Variants in GPR137 observed in about 807,000 individuals in gnomAD.
GPR137 encodes the protein integral membrane protein GPR137.
In GPR137, 20 loss-of-function variants were observed where a neutral mutation model predicts 38.9. The ratio of observed to expected loss-of-function variants is 0.51; its 90% confidence interval spans 0.36 to 0.75. GPR137 has a LOEUF of 0.75. Among genes scored for constraint, GPR137 ranks in the 30% least tolerant of loss-of-function variants. The probability of loss-of-function intolerance (pLI) is 0.00; values close to 1 mark genes in which losing one functional copy is unlikely to be tolerated. For synonymous variants in GPR137, 226 were observed against 235.8 expected, an observed-to-expected ratio of 0.96 and a Z score of 0.38; for missense variants, 456 against 526.4, an observed-to-expected ratio of 0.87 and a Z score of 1.31.
rs942681127 is a variant in GPR137, at chr11:64,276,615, C to T, written c.-16+194C>T. 4.6e-5 allele frequency: 14 copies of T among 304,454 alleles called. No homozygotes were observed. The East Asian group carries it at 7.1e-4, about 16-fold the overall frequency. 18.9% of individuals were successfully genotyped at this position (304,454 alleles called of 1,614,324 possible). ...GTGCTGGGATTACAGGCGTGAGCCA[C>T]GGTGCCCAGCCCTAAATTGAATTTT... is the stretch of plus-strand genomic sequence containing the variant. On this transcript the variant is annotated intron_variant, in intron 2 of 2. Transcript: ENST00000538244.
chr11:64,275,309 C>T (rs1565347260), upstream of GPR137, among the ~76,000 whole-genome samples: 2 of 152,288 alleles, frequency 1.3e-5, no homozygotes, highest in Admixed American at 6.5e-5. Flanking sequence ...GGGGCACTGA[C>T]GGAACAGGCC....
Position 64,288,921 on chromosome 11 carries a change from T to C in GPR137, c.1032-116T>C. 1 of 1,443,224 alleles carries C rather than the reference T, an allele frequency of 6.9e-7. No homozygotes were observed. The highest frequency in any genetic ancestry group is 9.1e-7 in the Non-Finnish European group (1 of 1,103,672). 89.4% of individuals were successfully genotyped at this position (1,443,224 alleles called of 1,614,324 possible). A position where few individuals can be genotyped will look rare whatever the true frequency, so the allele number is the denominator to read the frequency against. ...TCTTGCCTAGAGATGTACTTTGTCC[T>C]GGGCCCCGAAGGTCTAGGTCACAGG... On this transcript the variant is annotated intron_variant, in intron 6 of 6. Coordinates refer to ENST00000438980, the MANE Select transcript of GPR137 (RefSeq NM_001170880.2). This position sits in a 1 kb window ranked among gnomAD's most constrained non-coding sequence, Gnocchi z 5.5.
At chr11:64,278,260 C>T (rs974832202) in intron 2 of GPR137, among the ~76,000 whole-genome samples, 3 of 151,800 alleles carry the variant, frequency 2.0e-5, no homozygotes, top group Non-Finnish European at 4.4e-5. Context: ...CAAGAATGTA[C>T]ATAAAGGCAA....
chr11:64,273,335 T>C (rs975185896), upstream of GPR137, among the ~76,000 whole-genome samples: 2 of 152,156 alleles, frequency 1.3e-5, no homozygotes, highest in Admixed American at 6.6e-5. Flanking sequence ...ATTGTGCCAC[T>C]GCACTCCAGC....
chr11:64,284,305 G>C, upstream of GPR137: 2 of 1,612,364 alleles, frequency 1.2e-6, no homozygotes, highest in Non-Finnish European at 1.7e-6. Flanking sequence ...CTGGGGCCCA[G>C]GCCCCTCTCT....
Position 64,287,837 on chromosome 11 carries a change from G to A in GPR137, c.524G>A (p.Arg175His), listed in dbSNP as rs376609480. ...CAGCCCTGGGCCCTGCTGCTTGTCCGCGTCCTGGTGAGCGACTCCCTGTTC... is the reference window on the plus strand; with the variant it reads ...CAGCCCTGGGCCCTGCTGCTTGTCCACGTCCTGGTGAGCGACTCCCTGTTC... Reference protein sequence around the residue: ...RAQPWALLLVRVLVSDSLFVI... With the variant: ...RAQPWALLLVHVLVSDSLFVI... The change falls in exon 3 of 7, where the codon CGC becomes CAC. Residue 175 changes from arginine (R) to histidine (H), a missense_variant. By Grantham distance (29) the Arg-to-His change is conservative. Transcript: ENST00000438980. The A allele has an allele frequency of 1.4e-5, 23 of 1,605,916 alleles. No individual in the cohort carries two copies. Among genetic ancestry groups the A allele is most frequent in the Non-Finnish European group, 1.9e-5 (23 of 1,179,882 alleles).
At position 64,286,887 on chromosome 11, in the gene GPR137, C is replaced by T; in HGVS notation, c.357+6C>T. 1 of 1,607,850 alleles carries T rather than the reference C, an allele frequency of 6.2e-7. No homozygotes were observed. Among genetic ancestry groups the T allele is most frequent in the Non-Finnish European group, 8.5e-7 (1 of 1,175,952 alleles). The stretch of plus-strand genomic sequence containing the variant: ...TGAACCTCTACTTTGCCCAGGTAAC[C>T]AACTGTGGTCCCGGGTGGGGGGCGG... On this transcript the variant is annotated splice_donor_region_variant and intron_variant, in intron 1 of 6. Transcript: ENST00000438980.
chr11:64,285,009 G>T, upstream of GPR137: 1 of 1,252,254 alleles, frequency 8.0e-7, no homozygotes, highest in South Asian at 1.8e-5. Context: ...GTGAAGTGGG[G>T]ATAGTGACAG....
upstream of GPR137, chr11:64,285,537 CCGGCCGGG>C: frequency 1.0e-6 from 1 of 984,986 alleles, no homozygotes; most frequent in Non-Finnish European, 1.2e-6. Flanking sequence ...GTTGCCGCCC[CCGGCCGGG>C]CGGCACGACC....
Position 64,289,034 on chromosome 11 carries a change from C to T in GPR137, c.1032-3C>T, listed in dbSNP as rs765737657. ...TGAGACTGACCCTGTTTCTCTGCTG[C>T]AGTATGTCGGGCAGTCTAGGCTCTG... On this transcript the variant is annotated splice_polypyrimidine_tract_variant and splice_region_variant and intron_variant, in intron 6 of 6. Transcript: ENST00000438980. 3.2e-6 allele frequency: 5 copies of T among 1,553,548 alleles called. No homozygotes were observed. The African/African-American group carries it at 6.8e-5, about 21-fold the overall frequency.
chr11:64,276,680 T>C (rs1181278208), intron 2 of GPR137: 5 of 517,546 alleles, frequency 9.7e-6, no homozygotes, highest in African/African-American at 5.9e-5. Context: ...CCTGGGGGAG[T>C]GTCTGTGAAT....
At position 64,288,002 on chromosome 11, in the gene GPR137, C is replaced by G. The variant is rs544703882; in HGVS notation, c.633+56C>G. On this transcript the variant is annotated intron_variant, in intron 3 of 6. Coordinates refer to ENST00000438980, the MANE Select transcript of GPR137 (RefSeq NM_001170880.2). The surrounding 1 kb of genome is among the most constrained non-coding windows in gnomAD (Gnocchi z 5.5). Reference sequence around the variant, plus strand: ...TTTTGGGTCTCTCGGCAGCGGTTCTCAGGGTGTAGAGGAAGCTGGGAGCCT... The same window carrying G: ...TTTTGGGTCTCTCGGCAGCGGTTCTGAGGGTGTAGAGGAAGCTGGGAGCCT... The G allele has an allele frequency of 6.2e-7, 1 of 1,602,956 alleles. No homozygotes were observed. Among genetic ancestry groups the G allele is most frequent in the East Asian group, 2.2e-5 (1 of 44,876 alleles).
chr11:64,282,576 A>T (rs1402189588), upstream of GPR137, among the ~76,000 whole-genome samples: 1 of 151,132 alleles, frequency 6.6e-6, no homozygotes, highest in Non-Finnish European at 1.5e-5. Flanking sequence ...CCCTGCCCTC[A>T]TCTCATGAAA....
upstream of GPR137, among the ~76,000 whole-genome samples, chr11:64,281,569 G>C (rs573819450): frequency 1.8e-4 from 28 of 152,294 alleles, no homozygotes; most frequent in East Asian, 3.9e-3. Flanking sequence ...CCAGGAGCAG[G>C]TGTTGCCCTC....
chr11:64,282,881 G>GAAAA (rs541902877), upstream of GPR137, among the ~76,000 whole-genome samples: 1 of 88,056 alleles, frequency 1.1e-5, no homozygotes, highest in Non-Finnish European at 2.3e-5. Flanking sequence ...TCCGTCTCAG[G>GAAAA]AAAAAAAAAA....
Position 64,287,881 on chromosome 11 carries a change from C to G in GPR137, c.568C>G (p.Leu190Val). Residue 190 changes from leucine (L) to valine (V), a missense_variant, in exon 3 of 7, where the codon CTT (leucine) becomes GTT (valine). Transcript: ENST00000438980. ...CCTGTTCGTCATCTGCGCGCTGTCT[C>G]TTGCTGCCTGCCTCTGCCTCGTCGC... ...DSLFVICALSLAACLCLVARR... is the reference protein window; with the variant it reads ...DSLFVICALSVAACLCLVARR... The G allele has an allele frequency of 1.2e-6, 2 of 1,603,922 alleles. No homozygotes were observed. The highest frequency in any genetic ancestry group is 1.7e-6 in the Non-Finnish European group (2 of 1,179,940).
At position 64,288,296 on chromosome 11, in the gene GPR137, T is replaced by C. The variant is rs748930615; in HGVS notation, c.784-44T>C. On this transcript the variant is annotated intron_variant, in intron 4 of 6. Transcript: ENST00000438980. The surrounding 1 kb of genome is among the most constrained non-coding windows in gnomAD (Gnocchi z 5.5). ...GGCCTGGGCCCTGTCCCACTACCCC[T>C]TTGGCGTGACTGCAGACTGGCACCA... The C allele has an allele frequency of 1.1e-5, 18 of 1,612,588 alleles. No homozygotes were observed. The South Asian group carries it at 1.4e-4, about 13-fold the overall frequency.
At chr11:64,285,665 C>T (rs2033895316), upstream of GPR137, 9 of 984,758 alleles carry the variant, frequency 9.1e-6, no homozygotes, top group Non-Finnish European at 9.6e-6. Context: ...TGCGGCACGG[C>T]CCCCGCAACT....
chr11:64,283,030 G>T (rs2033592823), upstream of GPR137, among the ~76,000 whole-genome samples: 1 of 152,162 alleles, frequency 6.6e-6, no homozygotes, highest in Admixed American at 6.5e-5. Context: ...CTCCCTCCTG[G>T]GTGATAGAGC....
Sources: gnomAD v4.1 joint callset for allele counts (sites outside exome capture counted in the v4.1 genomes callset) on GRCh38, gnomAD v4.1.1 for gene constraint, Gnocchi (gnomAD v3.1) non-coding constraint, MANE v1.5 for transcripts, NCBI Gene and HGNC (gene_info 2026-07-23, HGNC 2026-07-21) for gene names.